RGL1: variants seen among roughly 807,000 people sequenced by gnomAD.
RGL1 encodes the protein ral guanine nucleotide dissociation stimulator-like 1.
RGL1 carries 24 observed loss-of-function variants against 95.2 expected under a neutral mutation model. That is an observed-to-expected ratio of 0.25 (90% CI 0.18 to 0.35). The LOEUF (loss-of-function observed/expected upper bound fraction) is 0.35. Among genes scored for constraint, RGL1 ranks in the 10% least tolerant of loss-of-function variants. The pLI, the probability that RGL1 is intolerant of heterozygous loss-of-function variation, is 1.00. For missense variants in RGL1, 715 were observed against 936.3 expected, an observed-to-expected ratio of 0.76 and a Z score of 3.08; for synonymous variants, 329 against 344.9, an observed-to-expected ratio of 0.95 and a Z score of 0.51.
At chr1:183,846,945 T>A (rs1664484858) in intron 2 of RGL1, among the ~76,000 whole-genome samples, 2 of 152,122 alleles carry the variant, frequency 1.3e-5, no homozygotes, top group Admixed American at 6.6e-5. Context: ...CTAAACCTGA[T>A]CCTGGTATCA....
intron 2 of RGL1, among the ~76,000 whole-genome samples, chr1:183,777,772 C>T (rs1440807897): frequency 1.3e-5 from 2 of 152,196 alleles, no homozygotes; most frequent in Non-Finnish European, 2.9e-5. Flanking sequence ...AATTACATGA[C>T]AAAGTTCCTG....
intron 1 of RGL1, among the ~76,000 whole-genome samples, chr1:183,719,322 C>G (rs1466997765): frequency 2.6e-5 from 4 of 152,222 alleles, no homozygotes; most frequent in African/African-American, 9.6e-5. Flanking sequence ...ACAGTGTGGT[C>G]TCTTCTCCTC....
At chr1:183,768,461 CTTTTTTTTTTT>C (rs71130639) in intron 2 of RGL1, among the ~76,000 whole-genome samples, 1 of 83,852 alleles carries the variant, frequency 1.2e-5, no homozygotes, top group South Asian at 5.0e-4. Context: ...CTTTAGATAA[CTTTTTTTTTTT>C]TTTTTTTTTT....
chr1:183,926,507 T>A lies in RGL1; in HGVS notation c.*215T>A. 1 of 389,032 alleles carries A rather than the reference T, an allele frequency of 2.6e-6. No homozygotes were observed. Among genetic ancestry groups the A allele is most frequent in the South Asian group, 4.8e-5 (1 of 20,744 alleles). 24.1% of individuals were successfully genotyped at this position (389,032 alleles called of 1,614,324 possible). On this transcript the variant is annotated 3_prime_UTR_variant, in exon 18 of 18. Coordinates refer to ENST00000360851, the MANE Select transcript of RGL1 (RefSeq NM_001297671.3). ...AGGATGAACGATTCACTGATTCTCTTTGACTCATTTGAGACTAAAATGCAG... is the reference window on the plus strand; with the variant it reads ...AGGATGAACGATTCACTGATTCTCTATGACTCATTTGAGACTAAAATGCAG...
intron 3 of RGL1, among the ~76,000 whole-genome samples, chr1:183,856,291 A>C (rs1229534388): frequency 1.3e-5 from 2 of 152,012 alleles, no homozygotes; most frequent in African/African-American, 4.8e-5. Flanking sequence ...ACACATACAC[A>C]TACACACACA....
upstream of RGL1, among the ~76,000 whole-genome samples, chr1:183,802,167 T>C (rs918082969): frequency 2.0e-5 from 3 of 152,218 alleles, no homozygotes; most frequent in Non-Finnish European, 4.4e-5. Flanking sequence ...TACAAATGTT[T>C]TCCCAGCACC....
At chr1:183,919,143 A>G (rs1298089879) in intron 16 of RGL1, among the ~76,000 whole-genome samples, 1 of 152,222 alleles carries the variant, frequency 6.6e-6, no homozygotes, top group Admixed American at 6.6e-5. Context: ...TAAAATAACA[A>G]TAATGAACAC....
At chr1:183,766,784 G>C (rs942701597) in intron 2 of RGL1, among the ~76,000 whole-genome samples, 1 of 151,990 alleles carries the variant, frequency 6.6e-6, no homozygotes, top group African/African-American at 2.4e-5. Flanking sequence ...AGGCTGGTGT[G>C]CTCTATCATT....
intron 8 of RGL1, among the ~76,000 whole-genome samples, chr1:183,891,376 G>A (rs1373803541): frequency 6.6e-6 from 1 of 152,118 alleles, no homozygotes; most frequent in African/African-American, 2.4e-5. Flanking sequence ...TGCATATGTG[G>A]TTTCACTCAC....
At chr1:183,830,192 A>C (rs1234396247) in intron 2 of RGL1, among the ~76,000 whole-genome samples, 2 of 152,194 alleles carry the variant, frequency 1.3e-5, no homozygotes, top group African/African-American at 4.8e-5. Flanking sequence ...ATAAAGTGGC[A>C]ATGCGCCTAA....
At chr1:183,725,588 A>G (rs976540847) in intron 1 of RGL1, among the ~76,000 whole-genome samples, 1 of 152,230 alleles carries the variant, frequency 6.6e-6, no homozygotes, top group Non-Finnish European at 1.5e-5. Context: ...ATAAAGAGGA[A>G]TATTTCACAA....
chr1:183,771,884 G>C (rs1659291962), intron 2 of RGL1, among the ~76,000 whole-genome samples: 1 of 152,248 alleles, frequency 6.6e-6, no homozygotes, highest in African/African-American at 2.4e-5. Flanking sequence ...GTGGAGCAGA[G>C]CAGATAGGCG....
At chr1:183,643,262 T>TTTATTTATTTA (rs1553265192) in intron 1 of RGL1, among the ~76,000 whole-genome samples, 3 of 136,500 alleles carry the variant, frequency 2.2e-5, no homozygotes, top group East Asian at 4.4e-4. Flanking sequence ...GGTCCTGTTT[T>TTTATTTATTTA]TTTATTTATT....
chr1:183,895,229 C>T (rs1019287309), intron 9 of RGL1, among the ~76,000 whole-genome samples: 3 of 152,126 alleles, frequency 2.0e-5, no homozygotes, highest in Non-Finnish European at 4.4e-5. Context: ...AGTTAACCAA[C>T]ATTTATGGAG....
chr1:183,920,280 C>T (rs573875005), intron 16 of RGL1, among the ~76,000 whole-genome samples: 1 of 152,304 alleles, frequency 6.6e-6, no homozygotes, highest in Admixed American at 6.5e-5. Context: ...CCTGATCCAC[C>T]TGCCTCGGCC....
chr1:183,698,997 A>G (rs6424904), intron 1 of RGL1, among the ~76,000 whole-genome samples: 99,654 of 152,196 alleles, frequency 0.65, 32,855 homozygotes, highest in East Asian at 0.79. Flanking sequence ...AATAGGAAGA[A>G]CTATAACATC....
In RGL1 at chr1:183,900,251, G is replaced by A; in HGVS notation, c.1317+15G>A. 6.2e-7 allele frequency: 1 copy of A among 1,608,880 alleles called. No individual in the cohort carries two copies. On this transcript the variant is annotated intron_variant, in intron 11 of 17. Coordinates refer to ENST00000360851, the MANE Select transcript of RGL1 (RefSeq NM_001297671.3). Reference sequence around the variant, plus strand: ...ACTACATCGAGGTGAGTTCCATGTGGGTGGTGTGATCGGGCCTGCAGCCTT... The same window carrying A: ...ACTACATCGAGGTGAGTTCCATGTGAGTGGTGTGATCGGGCCTGCAGCCTT...
chr1:183,743,412 G>A (rs1354926335), intron 2 of RGL1, among the ~76,000 whole-genome samples: 2 of 152,172 alleles, frequency 1.3e-5, no homozygotes, highest in African/African-American at 2.4e-5. Context: ...GGAAAACAGA[G>A]AACACTTTGT....
intron 2 of RGL1, among the ~76,000 whole-genome samples, chr1:183,818,290 AAAGACCTGGTCCTATTCTTAGTAGAG>A (rs1235109449): frequency 6.6e-6 from 1 of 152,156 alleles, no homozygotes; most frequent in Non-Finnish European, 1.5e-5. Flanking sequence ...GTCTCCATGA[AAAGACCTGGTCCTATTCTTAGTAGAG>A]AATCCGGAGT....
Sources: allele counts gnomAD v4.1 joint callset (sites outside exome capture counted in the v4.1 genomes callset), GRCh38; gene constraint gnomAD v4.1.1; transcripts MANE v1.5; gene names NCBI Gene and HGNC (gene_info 2026-07-23, HGNC 2026-07-21).